The following SGSH variants were observed in gnomAD, a reference collection of about 807,000 sequenced individuals.
SGSH encodes N-sulfoglucosamine sulfohydrolase.
A neutral mutation model predicts 51.0 loss-of-function variants in SGSH; 48 were observed. The observed-to-expected ratio is 0.94, with a 90% confidence interval of 0.75 to 1.20. SGSH has a LOEUF of 1.20. Ranked by LOEUF, SGSH falls within the 50% of genes most tolerant of loss-of-function variation. The pLI is 0.00. For synonymous variants in SGSH, 321 were observed against 313.4 expected, an observed-to-expected ratio of 1.02 and a Z score of -0.26; for missense variants, 662 against 717.8, an observed-to-expected ratio of 0.92 and a Z score of 0.89.
At chr17:80,214,919 T>C (rs187544444) in intron 3 of SGSH, 114 bp downstream of exon 3, 2 of 1,294,524 alleles carry the variant, frequency 1.5e-6, no homozygotes, top group African/African-American at 2.9e-5. Flanking sequence ...GGACAAGAGC[T>C]AAGGGCAGGC....
At chr17:80,211,265 C>T in intron 7 of SGSH, 1 of 1,157,808 alleles carries the variant, frequency 8.6e-7, no homozygotes, top group Non-Finnish European at 1.2e-6. Context: ...GAAAAGAAGT[C>T]TCCTTTTTGG....
chr17:80,220,164 G>A, intron 1 of SGSH, 62 bp downstream of exon 1: 1 of 1,259,966 alleles, frequency 7.9e-7, no homozygotes, highest in African/African-American at 1.5e-5. Flanking sequence ...GTGGGGAGGA[G>A]GCCAGTGGCC....
At position 80,210,888 on chromosome 17, in the gene SGSH, C is replaced by T. The variant is rs2041622931; in HGVS notation, c.1073G>A (p.Trp358Ter). 1 of 1,612,542 alleles carries T rather than the reference C, an allele frequency of 6.2e-7. No homozygotes were observed. Among genetic ancestry groups the T allele is most frequent in the Non-Finnish European group, 8.5e-7 (1 of 1,179,984 alleles). Residue 358 changes from tryptophan (W) to a stop codon, truncating the protein, a stop_gained, in exon 8 of 8, where the codon TGG becomes TAG. Coordinates refer to ENST00000326317, the MANE Select transcript of SGSH (RefSeq NM_000199.5). LOFTEE classifies it high-confidence loss of function. ...LLPALEAEPLWATVFGSQSHH... is the reference protein window; with the variant it reads ...LLPALEAEPL ...GCTCTGGCTGCCAAAGACGGTGGCC[C>T]AGAGGGGCTCGGCCTCCAGCGCCGG... is the stretch of plus-strand genomic sequence containing the variant.
chr17:80,205,448 C>T (rs963428789), downstream of SGSH: 65 of 1,524,488 alleles, frequency 4.3e-5, no homozygotes, highest in South Asian at 9.7e-5. Context: ...GCAGGGTTCA[C>T]GGGGACAGGG....
At chr17:80,211,748 T>G in intron 7 of SGSH, 2 of 414,056 alleles carry the variant, frequency 4.8e-6, no homozygotes, top group South Asian at 2.2e-5. Flanking sequence ...ACCCTGGGAT[T>G]TGCAATTTGG....
At chr17:80,214,424 C>A in intron 4 of SGSH, 96 bp from the exon 5 acceptor site, 1 of 1,429,648 alleles carries the variant, frequency 7.0e-7, no homozygotes, top group South Asian at 1.3e-5. Flanking sequence ...ATCTGGAAGT[C>A]AACCTGTGAC....
rs1262969566 is a variant in SGSH at position 80,220,239 on chromosome 17, T to G, written c.75A>C (p.Ala25=). Reference sequence around the variant, plus strand: ...GCCGGCACTCACCGAGGAGCAGCAGTGCGTTCCGGGGACGCGCCCGGCAGA... The same window carrying G: ...GCCGGCACTCACCGAGGAGCAGCAGGGCGTTCCGGGGACGCGCCCGGCAGA... The part of the protein sequence containing the change: ...LGLCRARPRN[A]LLLLADDGGF... The change falls in exon 1 of 8, where the codon GCA becomes GCC. Residue 25 remains alanine, a synonymous_variant. Coordinates refer to ENST00000326317, the MANE Select transcript of SGSH (RefSeq NM_000199.5). The G allele has an allele frequency of 2.6e-6, 4 of 1,522,456 alleles. No individual in the cohort carries two copies. Among genetic ancestry groups the G allele is most frequent in the African/African-American group, 1.4e-5 (1 of 71,406 alleles). The allele number at this position is 1,522,456 out of a possible 1,614,324, so 94.3% of individuals were successfully genotyped here.
Position 80,210,920 on chromosome 17 carries a change from G to A in SGSH, c.1041C>T (p.Ser347=). ...GCTCGGCCTCCAGCGCCGGCAGGAG[G>A]GACCGGCCAGTGAGGTGGATGGTCT... ...GSKTIHLTGR[S]LLPALEAEPL... is the part of the protein sequence containing the mutation. Residue 347 remains serine, a synonymous_variant, in exon 8 of 8, where the codon TCC becomes TCT. Coordinates refer to ENST00000326317, the MANE Select transcript of SGSH (RefSeq NM_000199.5). 1 of 1,609,324 alleles carries A rather than the reference G, an allele frequency of 6.2e-7. No individual in the cohort carries two copies. The highest frequency in any genetic ancestry group is 8.5e-7 in the Non-Finnish European group (1 of 1,179,962).
At chr17:80,206,887 G>A, downstream of SGSH, 1 of 884,076 alleles carries the variant, frequency 1.1e-6, no homozygotes, top group South Asian at 1.7e-5. Context: ...TGTCCGGAGG[G>A]CCCTTCTGAC....
chr17:80,208,376 G>A (rs764789292), downstream of SGSH: 3 of 1,527,380 alleles, frequency 2.0e-6, no homozygotes, highest in Non-Finnish European at 2.7e-6. Context: ...GACTGTGGGG[G>A]CTTCTGTGTG....
At position 80,214,313 on chromosome 17, in the gene SGSH, G is replaced by A. The variant is rs147064455; in HGVS notation, c.522C>T (p.Tyr174=). ...AGCGGTGGGGGTCGTGGAAGGCGAC[G>A]TAGAGGAAGAAAGGCCTGCACGGGA... The part of the protein sequence containing the change: ...QTQDDRPFFL[Y]VAFHDPHRCG... Residue 174 remains tyrosine (Y), a synonymous_variant, in exon 5 of 8, where the codon TAC becomes TAT. Transcript: ENST00000326317. 1.1e-3 allele frequency: 1,740 copies of A among 1,612,964 alleles called. 25 individuals carry two copies. In the African/African-American group the frequency reaches 0.02, roughly 19 times the overall value.
downstream of SGSH, chr17:80,208,047 G>C: frequency 2.1e-6 from 2 of 961,574 alleles, no homozygotes; most frequent in Non-Finnish European, 3.0e-6. Context: ...GTGTTTAGGG[G>C]TGTTTGGGTG....
intron 2 of SGSH, among the ~76,000 whole-genome samples, chr17:80,216,543 A>C (rs2041898890): frequency 1.3e-5 from 2 of 152,196 alleles, no homozygotes; most frequent in Non-Finnish European, 2.9e-5. Flanking sequence ...CTGTGCGCTG[A>C]AAAATGGCTA....
chr17:80,204,017 C>A, downstream of SGSH: 1 of 835,974 alleles, frequency 1.2e-6, no homozygotes, highest in Non-Finnish European at 1.9e-6. Context: ...TGTCTCTCCT[C>A]TGCACCCCTT....
At chr17:80,205,243 C>T (rs762420131), downstream of SGSH, 1 of 1,550,834 alleles carries the variant, frequency 6.4e-7, no homozygotes, top group Admixed American at 1.8e-5. Context: ...CCCCTTCCAC[C>T]TTCCCTCCCT....
chr17:80,209,994 C>T lies in SGSH; in HGVS notation c.*458G>A, dbSNP rs373019387. 9.8e-5 allele frequency: 102 copies of T among 1,037,658 alleles called. No individual in the cohort carries two copies. The highest frequency in any genetic ancestry group is 2.4e-4 in the East Asian group (3 of 12,614). 64.3% of individuals were successfully genotyped at this position (1,037,658 alleles called of 1,614,324 possible). On this transcript the variant is annotated 3_prime_UTR_variant, in exon 8 of 8. Transcript: ENST00000326317. ...CGGTGGGACCTGCGTACTGCCCACG[C>T]GGCACCGAAGCCCCTGCCTGCTCTC... is the stretch of plus-strand genomic sequence containing the variant.
chr17:80,215,056 A>G lies in SGSH; in HGVS notation c.332T>C (p.Leu111Pro), dbSNP rs2041836671. ...FDKVRSLPLL[L>P]SQAGVRTGII... ...ACCTGTGCGCACACCAGCTTGGCTGAGCAGCAGCGGCAGGCTCCGCACCTT... is the reference window on the plus strand; with the variant it reads ...ACCTGTGCGCACACCAGCTTGGCTGGGCAGCAGCGGCAGGCTCCGCACCTT... Residue 111 changes from leucine to proline, a missense_variant, in exon 3 of 8, where the codon CTC becomes CCC. By Grantham distance (98) the Leu-to-Pro change is moderately conservative. Coordinates refer to ENST00000326317, the MANE Select transcript of SGSH (RefSeq NM_000199.5). 1 of 1,611,630 alleles carries G rather than the reference A, an allele frequency of 6.2e-7. No individual in the cohort carries two copies. Among genetic ancestry groups the G allele is most frequent in the Admixed American group, 1.7e-5 (1 of 59,992 alleles).
At chr17:80,218,963 C>T (rs1217981303) in intron 1 of SGSH, among the ~76,000 whole-genome samples, 1 of 151,920 alleles carries the variant, frequency 6.6e-6, no homozygotes, top group African/African-American at 2.4e-5. Context: ...AGTTCGAGAC[C>T]AGTCTGGGCA....
downstream of SGSH, chr17:80,202,657 C>A: frequency 7.4e-7 from 1 of 1,357,356 alleles, no homozygotes; most frequent in Non-Finnish European, 9.6e-7. Flanking sequence ...TTTCTTAGCT[C>A]TGGGTTTCTT....
Sources: allele counts gnomAD v4.1 joint callset (sites outside exome capture counted in the v4.1 genomes callset), GRCh38; gene constraint gnomAD v4.1.1; transcripts MANE v1.5; gene names NCBI Gene and HGNC (gene_info 2026-07-23, HGNC 2026-07-21).